Variants in JMY observed in about 807,000 individuals in gnomAD.
JMY encodes junction mediating and regulatory protein, p53 cofactor, also known as junction-mediating and -regulatory protein.
In JMY, 46 loss-of-function variants were observed where a neutral mutation model predicts 103.3. The ratio of observed to expected loss-of-function variants is 0.45; its 90% confidence interval spans 0.35 to 0.57. JMY has a LOEUF of 0.57. Ranked by LOEUF, JMY falls within the 20% of genes least tolerant of loss-of-function variation. The pLI is 0.00. For missense variants in JMY, 1,238 were observed against 1,255.2 expected (o/e 0.99, Z 0.21); for synonymous variants, 526 against 489.3 (o/e 1.07, Z -0.99).
chr5:79,245,553 A>T (rs1292440542), intron 1 of JMY, among the ~76,000 whole-genome samples: 3 of 152,152 alleles, frequency 2.0e-5, no homozygotes, highest in Non-Finnish European at 4.4e-5. Flanking sequence ...AAGTGAGGTA[A>T]GTATGGCCTC....
intron 2 of JMY, among the ~76,000 whole-genome samples, chr5:79,285,179 G>A (rs73769606): frequency 0.06 from 9,150 of 152,148 alleles, 540 homozygotes; most frequent in African/African-American, 0.15. Context: ...CATTTTGCCA[G>A]TTGTCTCCTA....
intron 1 of JMY, among the ~76,000 whole-genome samples, chr5:79,258,894 T>G (rs1745335313): frequency 6.6e-6 from 1 of 152,174 alleles, no homozygotes; most frequent in African/African-American, 2.4e-5. Context: ...TTACAGCTCT[T>G]TTAGCCCTGC....
At chr5:79,251,649 C>A (rs1745086647) in intron 1 of JMY, among the ~76,000 whole-genome samples, 1 of 151,310 alleles carries the variant, frequency 6.6e-6, no homozygotes, top group African/African-American at 2.4e-5. Context: ...TACCCATTAG[C>A]CGCCCCCACC....
chr5:79,265,057 C>G (rs1396174673), intron 1 of JMY, among the ~76,000 whole-genome samples: 1 of 152,106 alleles, frequency 6.6e-6, no homozygotes, highest in Non-Finnish European at 1.5e-5. Context: ...TCCTGAGTAG[C>G]TGGGACTACA....
At chr5:79,265,260 T>C (rs1745552709) in intron 1 of JMY, among the ~76,000 whole-genome samples, 1 of 152,216 alleles carries the variant, frequency 6.6e-6, no homozygotes, top group Admixed American at 6.6e-5. Flanking sequence ...ATGTTATATG[T>C]TTTAATTTTA....
In JMY at chr5:79,316,264, A is replaced by G; in HGVS notation, c.2924A>G (p.Glu975Gly). The change falls in exon 10 of 11, where the codon GAG becomes GGG. Residue 975 changes from glutamate (E) to glycine (G), a missense_variant. By Grantham distance (98) the Glu-to-Gly change is moderately conservative. Coordinates refer to ENST00000396137, the MANE Select transcript of JMY (RefSeq NM_152405.5). ...RRIKEASPES[E>G]DEEEALPCTD... Reference sequence around the variant, plus strand: ...ATTAAAGAAGCATCCCCAGAGTCAGAGGACGAAGAGGAGGCTTTACCTTGC... The same window carrying G: ...ATTAAAGAAGCATCCCCAGAGTCAGGGGACGAAGAGGAGGCTTTACCTTGC... 1.2e-6 allele frequency: 2 copies of G among 1,613,340 alleles called. No homozygotes were observed. Among genetic ancestry groups the G allele is most frequent in the Non-Finnish European group, 1.7e-6 (2 of 1,179,608 alleles).
intron 1 of JMY, among the ~76,000 whole-genome samples, chr5:79,275,156 G>GTT (rs113713043): frequency 1.7e-4 from 23 of 133,674 alleles, no homozygotes; most frequent in East Asian, 2.1e-4. Context: ...GTTTCTGAGG[G>GTT]TTTTTTTTTT....
intron 1 of JMY, among the ~76,000 whole-genome samples, chr5:79,254,843 T>TTC (rs937465439): frequency 6.6e-6 from 1 of 151,966 alleles, no homozygotes; most frequent in Non-Finnish European, 1.5e-5. Flanking sequence ...TCTTTTTTTT[T>TTC]TCCTCTTGAC....
intron 1 of JMY, among the ~76,000 whole-genome samples, chr5:79,254,985 T>G (rs1745195714): frequency 6.6e-6 from 1 of 151,902 alleles, no homozygotes; most frequent in Non-Finnish European, 1.5e-5. Flanking sequence ...AATTTCTGCT[T>G]GGTTCTTTTA....
chr5:79,287,917 T>TA (rs1746313921), intron 2 of JMY, among the ~76,000 whole-genome samples: 1 of 152,234 alleles, frequency 6.6e-6, no homozygotes, highest in Non-Finnish European at 1.5e-5. Context: ...GAGTAAGGGA[T>TA]TTAAGTTTTG....
At chr5:79,263,685 A>T (rs1206799562) in intron 1 of JMY, among the ~76,000 whole-genome samples, 3 of 150,826 alleles carry the variant, frequency 2.0e-5, no homozygotes, top group Non-Finnish European at 3.0e-5. Context: ...GGCCACTAAA[A>T]TTTTTTTTTA....
At chr5:79,293,068 C>T (rs1373767042) in intron 4 of JMY, among the ~76,000 whole-genome samples, 1 of 152,094 alleles carries the variant, frequency 6.6e-6, no homozygotes, top group Non-Finnish European at 1.5e-5. Flanking sequence ...CAGTTCTTTG[C>T]CAGTAGAGGT....
At chr5:79,274,148 G>A (rs529581343) in intron 1 of JMY, among the ~76,000 whole-genome samples, 5 of 151,670 alleles carry the variant, frequency 3.3e-5, no homozygotes, top group Admixed American at 6.6e-5. Flanking sequence ...TTTTCTATAA[G>A]ATTGGATAAT....
chr5:79,277,885 G>A (rs1464563199), intron 1 of JMY, 25 bp from the exon 2 acceptor site: 3 of 1,590,782 alleles, frequency 1.9e-6, no homozygotes, highest in East Asian at 4.5e-5. Context: ...GATTTTCTTA[G>A]TTGTGAAACT....
intron 6 of JMY, 40 bp downstream of exon 6, chr5:79,300,903 T>C (rs979406914): frequency 1.3e-6 from 2 of 1,491,706 alleles, no homozygotes; most frequent in Non-Finnish European, 1.8e-6. Context: ...TAGTCTTTTA[T>C]CCGTATCTAC....
intron 6 of JMY, among the ~76,000 whole-genome samples, chr5:79,304,257 C>T (rs1402088441): frequency 6.6e-6 from 1 of 152,030 alleles, no homozygotes; most frequent in Non-Finnish European, 1.5e-5. Flanking sequence ...ATAGGAAATG[C>T]AAAACACTAA....
At chr5:79,247,668 T>A (rs906623015) in intron 1 of JMY, among the ~76,000 whole-genome samples, 4 of 151,698 alleles carry the variant, frequency 2.6e-5, no homozygotes, top group Non-Finnish European at 5.9e-5. Flanking sequence ...TTATTTATTT[T>A]TTGAGGCGGA....
At chr5:79,259,048 C>G (rs563905322) in intron 1 of JMY, among the ~76,000 whole-genome samples, 2 of 152,282 alleles carry the variant, frequency 1.3e-5, no homozygotes, top group East Asian at 3.9e-4. Context: ...GGCAGCTCCT[C>G]TCCGTAGCCA....
chr5:79,316,268 C>G lies in JMY; in HGVS notation c.2928C>G (p.Asp976Glu). Residue 976 changes from aspartate (D) to glutamate (E), a missense_variant, in exon 10 of 11, where the codon GAC (aspartate) becomes GAG (glutamate). Physicochemically the swap from Asp to Glu is conservative, Grantham distance 45 (BLOSUM62 2). Transcript: ENST00000396137. The part of the protein sequence containing the change: ...RIKEASPESE[D>E]EEEALPCTDW... ...AAGAAGCATCCCCAGAGTCAGAGGA[C>G]GAAGAGGAGGCTTTACCTTGCACAG... 1 of 1,613,120 alleles carries G rather than the reference C, an allele frequency of 6.2e-7. No homozygotes were observed. The highest frequency in any genetic ancestry group is 8.5e-7 in the Non-Finnish European group (1 of 1,179,552).
Sources: gnomAD v4.1 joint callset for allele counts (sites outside exome capture counted in the v4.1 genomes callset) on GRCh38, gnomAD v4.1.1 for gene constraint, MANE v1.5 for transcripts, NCBI Gene and HGNC (gene_info 2026-07-23, HGNC 2026-07-21) for gene names.